SEMA5A: variants seen among roughly 807,000 people sequenced by gnomAD.
The protein encoded by SEMA5A is semaphorin 5A, also known as semaphorin-5A.
In SEMA5A, 55 loss-of-function variants were observed where a neutral mutation model predicts 135.5. That is an observed-to-expected ratio of 0.41 (90% CI 0.33 to 0.51). The LOEUF (loss-of-function observed/expected upper bound fraction) is 0.51. Ranked by LOEUF, SEMA5A falls within the 20% of genes least tolerant of loss-of-function variation. SEMA5A has a pLI of 0.37. For synonymous variants in SEMA5A, 580 were observed against 546.5 expected (o/e 1.06, Z -0.85); for missense variants, 1,290 against 1,419.9 (o/e 0.91, Z 1.47).
chr5:9,163,204 G>C (rs1743390856), intron 11 of SEMA5A, among the ~76,000 whole-genome samples: 1 of 151,700 alleles, frequency 6.6e-6, no homozygotes, highest in South Asian at 2.1e-4. Context: ...CATTTCTATG[G>C]GCTCATGAAG....
chr5:9,491,966 G>C (rs1370199550), intron 1 of SEMA5A, among the ~76,000 whole-genome samples: 1 of 152,168 alleles, frequency 6.6e-6, no homozygotes, highest in Non-Finnish European at 1.5e-5. Context: ...GCAAATCTAT[G>C]ACCAATCTTC....
At chr5:9,338,473 GC>G (rs1367356474) in intron 3 of SEMA5A, among the ~76,000 whole-genome samples, 4 of 152,032 alleles carry the variant, frequency 2.6e-5, no homozygotes, top group Non-Finnish European at 5.9e-5. Context: ...ACAGCCTCCA[GC>G]CCAGAGTCCG....
At chr5:9,472,793 C>G (rs1267163943) in intron 1 of SEMA5A, among the ~76,000 whole-genome samples, 1 of 151,746 alleles carries the variant, frequency 6.6e-6, no homozygotes, top group Non-Finnish European at 1.5e-5. Context: ...TCATCACTAT[C>G]ATTTTGATGC....
chr5:9,402,516 G>A (rs2126572217), intron 2 of SEMA5A, among the ~76,000 whole-genome samples: 1 of 151,940 alleles, frequency 6.6e-6, no homozygotes, highest in East Asian at 1.9e-4. Flanking sequence ...TCAAGGTTTT[G>A]GGGTTTTGAG....
intron 11 of SEMA5A, among the ~76,000 whole-genome samples, chr5:9,180,513 A>C (rs1333799628): frequency 6.6e-6 from 1 of 152,110 alleles, no homozygotes; most frequent in Non-Finnish European, 1.5e-5. Flanking sequence ...TGTAAAAAAA[A>C]AAATTCCAAC....
chr5:9,089,231 C>T (rs952442601), intron 16 of SEMA5A, among the ~76,000 whole-genome samples: 8 of 152,152 alleles, frequency 5.3e-5, no homozygotes, highest in South Asian at 2.1e-4. Flanking sequence ...TAAGACATGG[C>T]GCTAATGCGA....
chr5:9,195,851 A>G (rs549562184), intron 10 of SEMA5A, among the ~76,000 whole-genome samples: 1 of 152,376 alleles, frequency 6.6e-6, no homozygotes, highest in South Asian at 2.1e-4. Flanking sequence ...TCCCAGATAC[A>G]GGACCCACTT....
chr5:9,120,324 G>T (rs1740746275), intron 14 of SEMA5A, among the ~76,000 whole-genome samples: 1 of 151,722 alleles, frequency 6.6e-6, no homozygotes, highest in Admixed American at 6.6e-5. Flanking sequence ...GCCACTGAAG[G>T]TCCTGCTATA....
At chr5:9,455,217 A>G (rs1373464234) in intron 1 of SEMA5A, among the ~76,000 whole-genome samples, 3 of 151,820 alleles carry the variant, frequency 2.0e-5, no homozygotes, top group Non-Finnish European at 1.5e-5. Context: ...CTCAGATAGC[A>G]TATTGCAGTT....
At chr5:9,443,259 C>T (rs1406963067) in intron 1 of SEMA5A, among the ~76,000 whole-genome samples, 1 of 151,926 alleles carries the variant, frequency 6.6e-6, no homozygotes, top group Non-Finnish European at 1.5e-5. Flanking sequence ...TTGGAAACCC[C>T]AGCCACTCAA....
chr5:9,525,907 T>C (rs1462114065), intron 1 of SEMA5A, among the ~76,000 whole-genome samples: 2 of 152,242 alleles, frequency 1.3e-5, no homozygotes, highest in African/African-American at 4.8e-5. Flanking sequence ...GAGCAAAAAC[T>C]ATATTATTCA....
chr5:9,304,162 T>C (rs912487244), intron 5 of SEMA5A, among the ~76,000 whole-genome samples: 1 of 152,170 alleles, frequency 6.6e-6, no homozygotes, highest in African/African-American at 2.4e-5. Flanking sequence ...TGTTTTCTCT[T>C]GTATACCTAT....
intron 21 of SEMA5A, among the ~76,000 whole-genome samples, chr5:9,047,612 A>ATAAT (rs1436767619): frequency 6.6e-6 from 1 of 152,230 alleles, no homozygotes; most frequent in Non-Finnish European, 1.5e-5. Flanking sequence ...CAATTGGCTA[A>ATAAT]TAATTTCCTG....
chr5:9,505,489 G>A (rs114059038), intron 1 of SEMA5A, among the ~76,000 whole-genome samples: 209 of 152,334 alleles, frequency 1.4e-3, no homozygotes, highest in African/African-American at 4.8e-3. Flanking sequence ...CTGCTAGATT[G>A]TAGCCTCATA....
chr5:9,526,436 A>G, intron 1 of SEMA5A, among the ~76,000 whole-genome samples: 1 of 152,224 alleles, frequency 6.6e-6, no homozygotes, highest in Non-Finnish European at 1.5e-5. Flanking sequence ...TTTTTTCAAA[A>G]CTAATTCACA....
At chr5:9,170,116 T>C (rs1743835940) in intron 11 of SEMA5A, among the ~76,000 whole-genome samples, 1 of 152,122 alleles carries the variant, frequency 6.6e-6, no homozygotes. Flanking sequence ...TGCCCCCCTT[T>C]TCTAGCCTAA....
intron 1 of SEMA5A, among the ~76,000 whole-genome samples, chr5:9,447,308 C>A (rs1419610644): frequency 6.6e-6 from 1 of 152,182 alleles, no homozygotes; most frequent in Non-Finnish European, 1.5e-5. Context: ...ACATGGTATA[C>A]AATGATCTGG....
At chr5:9,420,870 G>T (rs1428512114) in intron 2 of SEMA5A, among the ~76,000 whole-genome samples, 1 of 152,156 alleles carries the variant, frequency 6.6e-6, no homozygotes, top group East Asian at 1.9e-4. Context: ...TAAAAAATTA[G>T]CCAGGCATGG....
chr5:9,151,926 A>C (rs561573684), intron 12 of SEMA5A, among the ~76,000 whole-genome samples: 1 of 152,218 alleles, frequency 6.6e-6, no homozygotes, highest in African/African-American at 2.4e-5. Context: ...AAGAGGGAAC[A>C]GTGAACTCCT....
Sources: allele counts gnomAD v4.1 joint callset (sites outside exome capture counted in the v4.1 genomes callset), GRCh38; gene constraint gnomAD v4.1.1; transcripts MANE v1.5; gene names NCBI Gene and HGNC (gene_info 2026-07-23, HGNC 2026-07-21).